The following PLCB1 variants were observed in gnomAD, a reference collection of about 807,000 sequenced individuals.
PLCB1 encodes phospholipase C beta 1.
PLCB1 carries 46 observed loss-of-function variants against 161.8 expected under a neutral mutation model. The ratio of observed to expected loss-of-function variants is 0.28; its 90% CI spans 0.22 to 0.36. The LOEUF (loss-of-function observed/expected upper bound fraction) is 0.36, where lower values mean the gene tolerates loss of function less well. Ranked by LOEUF, PLCB1 falls within the 10% of genes least tolerant of loss-of-function variation. PLCB1 has a pLI of 1.00. For missense variants in PLCB1, 1,016 were observed against 1,472.5 expected (o/e 0.69, Z 5.07); for synonymous variants, 517 against 503.7 (o/e 1.03, Z -0.35).
intron 16 of PLCB1, among the ~76,000 whole-genome samples, chr20:8,727,088 A>G (rs1979978820): frequency 1.3e-5 from 2 of 152,084 alleles, no homozygotes; most frequent in South Asian, 4.1e-4. Flanking sequence ...AGTAGCTCTG[A>G]CCCAAGTAGC....
At chr20:8,880,101 A>C (rs1347264119) in intron 31 of PLCB1, among the ~76,000 whole-genome samples, 1 of 151,872 alleles carries the variant, frequency 6.6e-6, no homozygotes, top group Non-Finnish European at 1.5e-5. Flanking sequence ...TTTGAAAAGC[A>C]GGGGGAAAAA....
chr20:8,417,070 TATA>T (rs1431760760), intron 3 of PLCB1, among the ~76,000 whole-genome samples: 39 of 99,598 alleles, frequency 3.9e-4, no homozygotes, highest in African/African-American at 1.2e-3. Flanking sequence ...TATATATATA[TATA>T]TTTTTTTTTT....
At chr20:8,334,654 A>G (rs1427707649) in intron 2 of PLCB1, among the ~76,000 whole-genome samples, 2 of 152,256 alleles carry the variant, frequency 1.3e-5, no homozygotes, top group Non-Finnish European at 2.9e-5. Context: ...ATGCCATTCC[A>G]GTTTTAATTC....
At chr20:8,848,592 C>T (rs2146298868) in intron 31 of PLCB1, among the ~76,000 whole-genome samples, 1 of 152,374 alleles carries the variant, frequency 6.6e-6, no homozygotes, top group East Asian at 1.9e-4. Flanking sequence ...TCTTATATCA[C>T]ATCTGGGTAC....
chr20:8,620,764 A>G (rs894506541), intron 3 of PLCB1, among the ~76,000 whole-genome samples: 12 of 145,618 alleles, frequency 8.2e-5, no homozygotes, highest in African/African-American at 2.7e-4. Flanking sequence ...AAAAAAAAAA[A>G]AAAAAGAAAA....
At chr20:8,624,015 C>G (rs1040025133) in intron 3 of PLCB1, 1 of 152,132 alleles carries the variant, frequency 6.6e-6, no homozygotes, top group African/African-American at 2.4e-5. Flanking sequence ...GATGGGAAAC[C>G]AGCCTGGACG....
chr20:8,501,441 G>A (rs1983398863), intron 3 of PLCB1, among the ~76,000 whole-genome samples: 1 of 152,154 alleles, frequency 6.6e-6, no homozygotes, highest in African/African-American at 2.4e-5. Flanking sequence ...TGAAAGCAGT[G>A]CCCCAAGGCA....
intron 3 of PLCB1, among the ~76,000 whole-genome samples, chr20:8,417,103 T>G (rs13038148): frequency 9.7e-6 from 1 of 102,688 alleles, no homozygotes; most frequent in Non-Finnish European, 1.9e-5. Flanking sequence ...TTTTTTTTTT[T>G]TGAGATGGAG....
Position 8,884,402 on chromosome 20 carries a change from A to G in PLCB1, c.*2553A>G, listed in dbSNP as rs1988101925. 6.6e-6 allele frequency: 1 copy of G among 152,614 alleles called. No homozygotes were observed. Among genetic ancestry groups the G allele is most frequent in the South Asian group, 2.1e-4 (1 of 4,834 alleles). The allele number at this position is 152,614 out of a possible 1,614,324, so 9.5% of individuals were successfully genotyped here. A position where few individuals can be genotyped will look rare whatever the true frequency, so the allele number is the denominator to read the frequency against. On this transcript the variant is annotated 3_prime_UTR_variant, in exon 32 of 32. Coordinates refer to ENST00000338037, the MANE Select transcript of PLCB1 (RefSeq NM_015192.4). ...ATAATAGAAAGTAGAGCTGTGTATTAAATTAGACTGTGTCTCTCTGATACC... is the reference window on the plus strand; with the variant it reads ...ATAATAGAAAGTAGAGCTGTGTATTGAATTAGACTGTGTCTCTCTGATACC...
chr20:8,482,827 TCA>T (rs1025333090), intron 3 of PLCB1, among the ~76,000 whole-genome samples: 93 of 152,202 alleles, frequency 6.1e-4, no homozygotes, highest in African/African-American at 2.1e-3. Flanking sequence ...AATCAAAAAG[TCA>T]CAGAATGTGA....
At chr20:8,462,110 A>G (rs1221735209) in intron 3 of PLCB1, among the ~76,000 whole-genome samples, 1 of 152,140 alleles carries the variant, frequency 6.6e-6, no homozygotes, top group African/African-American at 2.4e-5. Context: ...ACACACACAC[A>G]TATGTATACA....
intron 27 of PLCB1, among the ~76,000 whole-genome samples, chr20:8,782,646 C>A (rs150108705): frequency 3.9e-5 from 6 of 152,252 alleles, no homozygotes; most frequent in African/African-American, 1.4e-4. Flanking sequence ...CCTGCCTCTA[C>A]CTTGTTTTCA....
intron 9 of PLCB1, among the ~76,000 whole-genome samples, chr20:8,660,481 G>A (rs2123327717): frequency 6.6e-6 from 1 of 152,248 alleles, no homozygotes; most frequent in African/African-American, 2.4e-5. Context: ...GCACTCCAAA[G>A]TGTAAGCCTT....
At chr20:8,711,203 C>G (rs1046770169) in intron 12 of PLCB1, among the ~76,000 whole-genome samples, 8 of 152,156 alleles carry the variant, frequency 5.3e-5, no homozygotes, top group African/African-American at 1.9e-4. Context: ...CACTTTTAAC[C>G]AACACATCTC....
At chr20:8,701,168 A>G (rs187647877) in intron 11 of PLCB1, among the ~76,000 whole-genome samples, 7 of 152,300 alleles carry the variant, frequency 4.6e-5, no homozygotes, top group Admixed American at 4.6e-4. Context: ...CCCAGCGTGT[A>G]AAGTGACTTT....
chr20:8,415,627 G>T (rs1474848648), intron 3 of PLCB1, among the ~76,000 whole-genome samples: 1 of 152,168 alleles, frequency 6.6e-6, no homozygotes, highest in Admixed American at 6.5e-5. Context: ...CCCCTCTTGG[G>T]GCCATCTGAG....
At chr20:8,532,992 T>C (rs1022108815) in intron 3 of PLCB1, among the ~76,000 whole-genome samples, 10 of 151,552 alleles carry the variant, frequency 6.6e-5, no homozygotes, top group African/African-American at 1.5e-4. Context: ...TAGGTATATC[T>C]CCTAATGCTA....
At chr20:8,461,078 A>G (rs1405128780) in intron 3 of PLCB1, among the ~76,000 whole-genome samples, 1 of 152,194 alleles carries the variant, frequency 6.6e-6, no homozygotes, top group African/African-American at 2.4e-5. Context: ...TAATTAATCT[A>G]AATTTAAATA....
chr20:8,748,275 A>G (rs1001057244), intron 23 of PLCB1, among the ~76,000 whole-genome samples: 4 of 152,204 alleles, frequency 2.6e-5, no homozygotes, highest in African/African-American at 9.6e-5. Flanking sequence ...CTGGGTCCTA[A>G]CTAGGAAAAC....
Sources: allele counts gnomAD v4.1 joint callset (sites outside exome capture counted in the v4.1 genomes callset), GRCh38; gene constraint gnomAD v4.1.1; transcripts MANE v1.5; gene names NCBI Gene and HGNC (gene_info 2026-07-23, HGNC 2026-07-21).